Variants in FMNL3 observed in about 807,000 individuals in gnomAD.
The protein encoded by FMNL3 is formin like 3.
FMNL3 carries 57 observed loss-of-function variants against 119.6 expected under a neutral mutation model. The observed-to-expected ratio is 0.48, with a 90% CI of 0.39 to 0.59. The LOEUF is 0.59. Ranked by LOEUF, FMNL3 falls within the 20% of genes least tolerant of loss-of-function variation. The pLI is 0.00. For synonymous variants in FMNL3, 491 were observed against 507.3 expected (o/e 0.97, Z 0.43); for missense variants, 1,053 against 1,323.5 (o/e 0.80, Z 3.17).
Position 49,648,327 on chromosome 12 carries a change from C to T in FMNL3, c.2542G>A (p.Val848Met), listed in dbSNP as rs199600439. The change falls in exon 22 of 26, where the codon GTG becomes ATG. Residue 848 changes from valine (V) to methionine (M), a missense_variant. Coordinates refer to ENST00000335154, the MANE Select transcript of FMNL3 (RefSeq NM_175736.5). ...TCCATGCCCCGGCCCAGCTCCTTCA[C>T]GTCCAGCAGCACGTTCTCCAGGGAC... is the stretch of plus-strand genomic sequence containing the variant. Reference protein sequence around the residue: ...AVSLENVLLDVKELGRGMELI... With the variant: ...AVSLENVLLDMKELGRGMELI... 73 of 1,612,986 alleles carry T rather than the reference C, an allele frequency of 4.5e-5. No homozygotes were observed. Among genetic ancestry groups the T allele is most frequent in the Non-Finnish European group, 5.5e-5 (65 of 1,179,452 alleles).
rs974539943 is a variant in FMNL3, at chr12:49,638,384, C to G, written c.*7431G>C. ...GCAGTACTGAGCTGGATTTGCAAGG[C>G]ATTCTGCAGACTCAAGCTGAGATGC... On this transcript the variant is annotated 3_prime_UTR_variant, in exon 26 of 26. Coordinates refer to ENST00000335154, the MANE Select transcript of FMNL3 (RefSeq NM_175736.5). 3.3e-5 allele frequency: 5 copies of G among 152,374 alleles called. No homozygotes were observed. Among genetic ancestry groups the G allele is most frequent in the African/African-American group, 1.2e-4 (5 of 41,434 alleles). The allele number at this position is 152,374 out of a possible 1,614,324, so 9.4% of individuals were successfully genotyped here.
Position 49,640,126 on chromosome 12 carries a change from C to G in FMNL3, c.*5689G>C, listed in dbSNP as rs1443509637. 6.6e-6 allele frequency: 1 copy of G among 152,214 alleles called. No individual in the cohort carries two copies. Among genetic ancestry groups the G allele is most frequent in the Admixed American group, 6.5e-5 (1 of 15,288 alleles). The allele number at this position is 152,214 out of a possible 1,614,324, so 9.4% of individuals were successfully genotyped here. ...TGAGCCCAGGAGTCCCTCTTGCTTTCCACAGCCAGGCAGACCATGATGGTG... is the reference window on the plus strand; with the variant it reads ...TGAGCCCAGGAGTCCCTCTTGCTTTGCACAGCCAGGCAGACCATGATGGTG... On this transcript the variant is annotated 3_prime_UTR_variant, in exon 26 of 26. Transcript: ENST00000335154.
At position 49,642,883 on chromosome 12, in the gene FMNL3, G is replaced by A; in HGVS notation, c.*2932C>T. On this transcript the variant is annotated 3_prime_UTR_variant, in exon 26 of 26. Coordinates refer to ENST00000335154, the MANE Select transcript of FMNL3 (RefSeq NM_175736.5). This position sits in a 1 kb window ranked among gnomAD's most constrained non-coding sequence, Gnocchi z 5.8. ...TTTTAGGAAGTAGGATCCTTCCTGG[G>A]GCTAAGTCTGGTGCTGTCCTCACCC... The A allele has an allele frequency of 6.4e-7, 1 of 1,572,072 alleles. No individual in the cohort carries two copies. The highest frequency in any genetic ancestry group is 8.7e-7 in the Non-Finnish European group (1 of 1,153,816).
At chr12:49,705,633 C>T (rs1343192734) in intron 1 of FMNL3, among the ~76,000 whole-genome samples, 3 of 152,242 alleles carry the variant, frequency 2.0e-5, no homozygotes, top group Non-Finnish European at 4.4e-5. Context: ...GTCCCAGTCT[C>T]TCCTCCTCAG....
At chr12:49,685,362 T>C (rs1042781349) in intron 1 of FMNL3, among the ~76,000 whole-genome samples, 46 of 152,094 alleles carry the variant, frequency 3.0e-4, no homozygotes, top group African/African-American at 1.1e-3. Context: ...CTCAGGAGGC[T>C]GAGGCAGGAG....
At chr12:49,659,948 G>A in intron 5 of FMNL3, 1 of 985,452 alleles carries the variant, frequency 1.0e-6, no homozygotes, top group Non-Finnish European at 1.2e-6. Flanking sequence ...AGGCACAGAG[G>A]TTGAGGCTTT....
chr12:49,654,837 C>A, intron 10 of FMNL3, 73 bp downstream of exon 10: 1 of 1,403,152 alleles, frequency 7.1e-7, no homozygotes. Context: ...ACGCTGTTGG[C>A]CTCACCCCTG....
intron 1 of FMNL3, among the ~76,000 whole-genome samples, chr12:49,689,911 T>A (rs1833915447): frequency 6.6e-6 from 1 of 152,148 alleles, no homozygotes; most frequent in African/African-American, 2.4e-5. Flanking sequence ...TCTCCTGATC[T>A]ACAGCTGATT....
In FMNL3 at chr12:49,648,269, T is replaced by C; in HGVS notation, c.2600A>G (p.Asn867Ser). The C allele has an allele frequency of 6.2e-7, 1 of 1,614,116 alleles. No homozygotes were observed. The highest frequency in any genetic ancestry group is 1.3e-5 in the African/African-American group (1 of 75,020). ...LIRRECSIHD[N>S]SVLRNFLSTN... ...ACTGAGGAAGTTCCGGAGGACGCTG[T>C]TGTCATGGATGCTGCACTCACGCCG... Residue 867 changes from asparagine (N) to serine (S), a missense_variant, in exon 22 of 26, where the codon AAC (asparagine) becomes AGC (serine). Around this residue, in one of 4 missense-constraint regions of FMNL3, gnomAD observed 324 missense variants for 380.9 expected, o/e 0.85. Transcript: ENST00000335154.
At chr12:49,666,450 T>C (rs1943892919) in intron 2 of FMNL3, among the ~76,000 whole-genome samples, 1 of 152,206 alleles carries the variant, frequency 6.6e-6, no homozygotes. Context: ...TGTTTTTCTA[T>C]GTCAAAAAGT....
intron 1 of FMNL3, among the ~76,000 whole-genome samples, chr12:49,674,568 C>T (rs1944133588): frequency 6.6e-6 from 1 of 152,360 alleles, no homozygotes; most frequent in South Asian, 2.1e-4. Context: ...ACAGCTTTCT[C>T]TAGGCCCCAG....
intron 1 of FMNL3, among the ~76,000 whole-genome samples, chr12:49,691,401 G>C (rs189622719): frequency 6.6e-6 from 1 of 152,292 alleles, no homozygotes; most frequent in African/African-American, 2.4e-5. Context: ...GCACAGCCTA[G>C]AGCTCAGGTT....
At chr12:49,702,911 C>T (rs1944948098) in intron 1 of FMNL3, among the ~76,000 whole-genome samples, 1 of 152,208 alleles carries the variant, frequency 6.6e-6, no homozygotes, top group Non-Finnish European at 1.5e-5. Flanking sequence ...CAGCCCATTT[C>T]TGTGTCAAAG....
chr12:49,653,465 T>A (rs1943471498), intron 12 of FMNL3, 138 bp from the exon 13 acceptor site: 2 of 927,450 alleles, frequency 2.2e-6, no homozygotes, highest in African/African-American at 3.3e-5. Context: ...TTCCCTTATA[T>A]TCCAATAACA....
Position 49,643,773 on chromosome 12 carries a change from C to G in FMNL3, c.*2042G>C, listed in dbSNP as rs1414110391. ...AGTCGGTGAGTGAAGGAACTTCTAC[C>G]TAAGCCCCTGCTATTTTGTGAGTTC... On this transcript the variant is annotated 3_prime_UTR_variant, in exon 26 of 26. Transcript: ENST00000335154. 6.2e-7 allele frequency: 1 copy of G among 1,613,772 alleles called. No individual in the cohort carries two copies. Among genetic ancestry groups the G allele is most frequent in the Non-Finnish European group, 8.5e-7 (1 of 1,179,926 alleles).
chr12:49,684,079 T>C (rs1365727397), intron 1 of FMNL3, among the ~76,000 whole-genome samples: 3 of 152,202 alleles, frequency 2.0e-5, no homozygotes, highest in Non-Finnish European at 4.4e-5. Flanking sequence ...TATAATTACA[T>C]GTTTAATGTG....
In FMNL3 at chr12:49,637,698, C is replaced by CTG; in HGVS notation, c.*8116_*8117insCA. 2 of 1,465,330 alleles carry CTG rather than the reference C, an allele frequency of 1.4e-6. No homozygotes were observed. The highest frequency in any genetic ancestry group is 1.9e-6 in the Non-Finnish European group (2 of 1,060,222). 90.8% of individuals were successfully genotyped at this position (1,465,330 alleles called of 1,614,324 possible). A position where few individuals can be genotyped will look rare whatever the true frequency, so the allele number is the denominator to read the frequency against. Reference sequence around the variant, plus strand: ...CCAGCCCCCAGGCCTTGGGAAGCTGCCGCCCGCCAGGCCCCCCTCCCTCCC... The same window carrying CTG: ...CCAGCCCCCAGGCCTTGGGAAGCTGCTGCGCCCGCCAGGCCCCCCTCCCTCCC... On this transcript the variant is annotated 3_prime_UTR_variant, in exon 26 of 26. Coordinates refer to ENST00000335154, the MANE Select transcript of FMNL3 (RefSeq NM_175736.5).
Position 49,637,806 on chromosome 12 carries a change from C to A in FMNL3, c.*8009G>T. The A allele has an allele frequency of 1.2e-6, 2 of 1,604,470 alleles. No homozygotes were observed. The highest frequency in any genetic ancestry group is 1.7e-6 in the Non-Finnish European group (2 of 1,172,920). ...CACGATTCCATGATGAAAAGAAGAT[C>A]ATTAAGGACATCCTTAAGGTGAGGG... On this transcript the variant is annotated 3_prime_UTR_variant, in exon 26 of 26. Coordinates refer to ENST00000335154, the MANE Select transcript of FMNL3 (RefSeq NM_175736.5).
chr12:49,671,884 G>C (rs1161766400), intron 1 of FMNL3, among the ~76,000 whole-genome samples: 1 of 152,152 alleles, frequency 6.6e-6, no homozygotes, highest in African/African-American at 2.4e-5. Context: ...GGAAAGGAGA[G>C]GGCACTAAAT....
Sources: allele counts gnomAD v4.1 joint callset (sites outside exome capture counted in the v4.1 genomes callset), GRCh38; gene constraint gnomAD v4.1.1; regional missense constraint gnomAD v4.1.1; non-coding constraint Gnocchi (gnomAD v3.1); transcripts MANE v1.5; gene names NCBI Gene and HGNC (gene_info 2026-07-23, HGNC 2026-07-21).